Variants in LPAR1 observed in about 807,000 individuals in gnomAD.
LPAR1 encodes the protein LPA receptor 1.
In LPAR1, 5 loss-of-function variants were observed where a neutral mutation model predicts 23.8. The ratio of observed to expected loss-of-function variants is 0.21; its 90% CI spans 0.11 to 0.44. The LOEUF (loss-of-function observed/expected upper bound fraction) is 0.44, where lower values mean the gene tolerates loss of function less well. Ranked by LOEUF, LPAR1 falls within the 20% of genes least tolerant of loss-of-function variation. LPAR1 has a pLI of 0.99. For missense variants in LPAR1, 311 were observed against 482.8 expected (o/e 0.64, Z 3.33); for synonymous variants, 160 against 164.7 (o/e 0.97, Z 0.22).
chr9:110,925,305 G>T (rs922053319), intron 5 of LPAR1, among the ~76,000 whole-genome samples: 1 of 151,186 alleles, frequency 6.6e-6, no homozygotes, highest in South Asian at 2.1e-4. Flanking sequence ...GGCCTCTTGG[G>T]GGATACATTG....
chr9:110,988,746 A>G (rs2096839768), intron 2 of LPAR1, among the ~76,000 whole-genome samples: 1 of 152,120 alleles, frequency 6.6e-6, no homozygotes, highest in African/African-American at 2.4e-5. Context: ...AAAATATTAA[A>G]TAGCATTTTC....
intron 4 of LPAR1, among the ~76,000 whole-genome samples, chr9:110,948,514 A>G (rs1275089652): frequency 1.3e-5 from 2 of 152,212 alleles, no homozygotes; most frequent in Admixed American, 1.3e-4. Context: ...TGTGCAACAC[A>G]TAAATTGTAA....
chr9:110,891,566 A>G (rs970256593), intron 5 of LPAR1, among the ~76,000 whole-genome samples: 2 of 152,242 alleles, frequency 1.3e-5, no homozygotes, highest in South Asian at 2.1e-4. Context: ...GGATCTCTGC[A>G]TAACAAAATC....
At chr9:111,030,874 T>C (rs1487779029) in intron 2 of LPAR1, among the ~76,000 whole-genome samples, 2 of 152,132 alleles carry the variant, frequency 1.3e-5, no homozygotes, top group Non-Finnish European at 2.9e-5. Context: ...ATAGCCTCTC[T>C]AAAGCAAAAG....
chr9:110,980,301 T>TA (rs1012895215), intron 2 of LPAR1, among the ~76,000 whole-genome samples: 7 of 151,700 alleles, frequency 4.6e-5, no homozygotes, highest in African/African-American at 1.5e-4. Context: ...AAAAAGAAGT[T>TA]AAAAAAAATC....
chr9:110,979,363 C>G (rs1226495922), intron 2 of LPAR1, among the ~76,000 whole-genome samples: 1 of 150,920 alleles, frequency 6.6e-6, no homozygotes, highest in Admixed American at 6.6e-5. Flanking sequence ...ATGAGTCCAG[C>G]AGGTCTAATA....
At chr9:110,905,821 C>T (rs1041585679) in intron 5 of LPAR1, among the ~76,000 whole-genome samples, 5 of 152,292 alleles carry the variant, frequency 3.3e-5, no homozygotes, top group South Asian at 2.1e-4. Flanking sequence ...TAGTGGTGAA[C>T]ATACCTGGGC....
chr9:110,952,549 A>G (rs1460849992), intron 4 of LPAR1, among the ~76,000 whole-genome samples: 1 of 152,146 alleles, frequency 6.6e-6, no homozygotes, highest in Non-Finnish European at 1.5e-5. Flanking sequence ...ACCACAGCTG[A>G]CTGCCATTGG....
intron 2 of LPAR1, among the ~76,000 whole-genome samples, chr9:111,012,471 A>G (rs7856400): frequency 0.34 from 21,196 of 61,876 alleles, 1,643 homozygotes; most frequent in African/African-American, 0.48. Flanking sequence ...GCACGCGCGC[A>G]CACACACACA....
At position 110,977,846 on chromosome 9, in the gene LPAR1, GGGAAGGAAGGAAGGAAGGAA is replaced by G. The variant is rs1196226719; in HGVS notation, c.-181-4308_-181-4289del. ...CGGGAGGGAGGGAGGGAAGGAAGGAGGGAAGGAAGGAAGGAAGGAAGGAAGGAAGGAAGGAAGGAAGGAAG... is the reference window on the plus strand; with the variant it reads ...CGGGAGGGAGGGAGGGAAGGAAGGAGGGAAGGAAGGAAGGAAGGAAGGAAG... On this transcript the variant is annotated intron_variant, in intron 2 of 5. Transcript: ENST00000683809. Among the ~76,000 whole-genome samples the G allele has an allele frequency of 9.2e-3, 691 of 75,222 alleles. 2 individuals are homozygous for G. Among genetic ancestry groups the G allele is most frequent in the Middle Eastern group, 0.028 (4 of 144 alleles). The allele number at this position is 75,222 out of a possible 152,430, so 49.3% of individuals were successfully genotyped here. A position where few individuals can be genotyped will look rare whatever the true frequency, so the allele number is the denominator to read the frequency against.
intron 4 of LPAR1, among the ~76,000 whole-genome samples, chr9:110,968,690 A>G (rs2096300998): frequency 6.6e-6 from 1 of 152,090 alleles, no homozygotes; most frequent in Non-Finnish European, 1.5e-5. Flanking sequence ...ATCTCCCACT[A>G]TATCTGTAAA....
rs2097927244 is a variant in LPAR1 at position 111,038,035 on chromosome 9, C to G, written c.-262+132G>C. 6.6e-6 allele frequency: 1 copy of G among 151,966 alleles called. No individual in the cohort carries two copies. The highest frequency in any genetic ancestry group is 2.4e-5 in the African/African-American group (1 of 41,408). 9.4% of individuals were successfully genotyped at this position (151,966 alleles called of 1,614,324 possible). ...TCTCACTGGCACTCGCACGCGCGCC[C>G]CCAACCACAAAGCCCGTCCGCGGCG... is the stretch of plus-strand genomic sequence containing the variant. On this transcript the variant is annotated intron_variant, in intron 1 of 5. Transcript: ENST00000683809. The surrounding 1 kb of genome is among the most constrained non-coding windows in gnomAD (Gnocchi z 4.4).
chr9:110,984,604 T>G (rs2096741049), intron 2 of LPAR1, among the ~76,000 whole-genome samples: 1 of 152,090 alleles, frequency 6.6e-6, no homozygotes, highest in Non-Finnish European at 1.5e-5. Context: ...GCAGTGAGAT[T>G]GCTGGATCAT....
chr9:111,017,029 G>C (rs1318430737), intron 2 of LPAR1, among the ~76,000 whole-genome samples: 3 of 152,034 alleles, frequency 2.0e-5, no homozygotes, highest in Non-Finnish European at 4.4e-5. Flanking sequence ...CACATGAAGA[G>C]TTCTCCTCCC....
intron 2 of LPAR1, among the ~76,000 whole-genome samples, chr9:111,027,468 T>C (rs2097713976): frequency 6.6e-6 from 1 of 152,040 alleles, no homozygotes; most frequent in Non-Finnish European, 1.5e-5. Context: ...GCAACTGAAC[T>C]CCAGCCTGGG....
At chr9:110,897,084 T>C (rs1371037252) in intron 5 of LPAR1, among the ~76,000 whole-genome samples, 1 of 152,100 alleles carries the variant, frequency 6.6e-6, no homozygotes, top group Non-Finnish European at 1.5e-5. Flanking sequence ...AGTGAACTCT[T>C]TAATCAGACA....
At position 110,904,726 on chromosome 9, in the gene LPAR1, G is replaced by C. The variant is rs550369353; in HGVS notation, c.794-29004C>G. Among the ~76,000 whole-genome samples the C allele has an allele frequency of 5.3e-5, 8 of 152,296 alleles. No homozygotes were observed. In the East Asian group the frequency reaches 1.5e-3, roughly 29 times the overall value. ...CCTTAACTGCCACATCTTTGAAATAGGAGTGGCTGGAGAAGTAGGTCTGGC... is the reference window on the plus strand; with the variant it reads ...CCTTAACTGCCACATCTTTGAAATACGAGTGGCTGGAGAAGTAGGTCTGGC... On this transcript the variant is annotated intron_variant, in intron 5 of 5. Coordinates refer to ENST00000683809, the MANE Select transcript of LPAR1 (RefSeq NM_001351411.2).
At chr9:110,909,762 T>G (rs1482789680) in intron 5 of LPAR1, among the ~76,000 whole-genome samples, 4 of 150,192 alleles carry the variant, frequency 2.7e-5, no homozygotes, top group African/African-American at 7.4e-5. Context: ...TTTATTTATT[T>G]AGAGAGAGGG....
At chr9:110,881,321 A>G (rs1390485551) in intron 5 of LPAR1, among the ~76,000 whole-genome samples, 2 of 152,182 alleles carry the variant, frequency 1.3e-5, no homozygotes, top group African/African-American at 4.8e-5. Context: ...AGCAACATTT[A>G]TCTTTTAGAG....
Sources: allele counts gnomAD v4.1 joint callset (sites outside exome capture counted in the v4.1 genomes callset), GRCh38; gene constraint gnomAD v4.1.1; non-coding constraint Gnocchi (gnomAD v3.1); transcripts MANE v1.5; gene names NCBI Gene and HGNC (gene_info 2026-07-23, HGNC 2026-07-21).